Variants in PRKN observed in about 807,000 individuals in gnomAD.
PRKN encodes the protein E3 ubiquitin-protein ligase parkin.
A neutral mutation model predicts 59.5 loss-of-function variants in PRKN; 56 were observed. The ratio of observed to expected loss-of-function variants is 0.94; its 90% CI spans 0.76 to 1.18. The LOEUF is 1.18. Ranked by LOEUF, PRKN falls within the 50% of genes most tolerant of loss-of-function variation. The probability of loss-of-function intolerance (pLI) is 0.00; values close to 1 mark genes in which losing one functional copy is unlikely to be tolerated. For synonymous variants in PRKN, 250 were observed against 222.1 expected (o/e 1.13, Z -1.12); for missense variants, 657 against 596.4 (o/e 1.10, Z -1.06).
rs969206157 is a variant in PRKN at position 161,423,410 on chromosome 6, C to T, written c.1084-36533G>A. 1.3e-5 allele frequency among the ~76,000 whole-genome samples: 2 copies of T among 152,222 alleles called. No individual in the cohort carries two copies. Among genetic ancestry groups the T allele is most frequent in the East Asian group, 1.9e-4 (1 of 5,186 alleles). ...TGAGTACTGCGATGCAGTTACACGT[C>T]GTAACCACCTGAATTTTATGGGGGA... On this transcript the variant is annotated intron_variant, in intron 9 of 11. Transcript: ENST00000366898. The surrounding 1 kb of genome is among the most constrained non-coding windows in gnomAD (Gnocchi z 5.9).
intron 4 of PRKN, among the ~76,000 whole-genome samples, chr6:162,149,194 A>G (rs556079654): frequency 6.6e-6 from 1 of 152,264 alleles, no homozygotes; most frequent in Non-Finnish European, 1.5e-5. Flanking sequence ...TAGGCCTTAA[A>G]ATATTGATTT....
At chr6:162,447,062 C>T (rs1208712068) in intron 1 of PRKN, among the ~76,000 whole-genome samples, 1 of 152,160 alleles carries the variant, frequency 6.6e-6, no homozygotes, top group Non-Finnish European at 1.5e-5. Flanking sequence ...ACACCAATGT[C>T]TGTTACACAA....
At chr6:162,709,147 T>G (rs2128238254) in intron 1 of PRKN, among the ~76,000 whole-genome samples, 1 of 151,886 alleles carries the variant, frequency 6.6e-6, no homozygotes, top group Admixed American at 6.6e-5. Context: ...GGGGCCCCAC[T>G]GATTCTACAC....
At chr6:161,830,274 T>C (rs1007459421) in intron 6 of PRKN, among the ~76,000 whole-genome samples, 120 of 150,768 alleles carry the variant, frequency 8.0e-4, no homozygotes, top group African/African-American at 2.5e-3. Flanking sequence ...TTTTTTGAGA[T>C]GGAGTCTCGC....
At chr6:161,656,745 CCA>C (rs901223226) in intron 7 of PRKN, among the ~76,000 whole-genome samples, 2 of 152,174 alleles carry the variant, frequency 1.3e-5, no homozygotes, top group African/African-American at 4.8e-5. Flanking sequence ...TCACTCTCAA[CCA>C]CAGTGTCCTA....
rs141943704 is a variant in PRKN, at chr6:161,442,167, A to T, written c.1084-55290T>A. Among the ~76,000 whole-genome samples, 33 of 152,304 alleles carry T rather than the reference A, an allele frequency of 2.2e-4. No individual in the cohort carries two copies. The East Asian group carries it at 6.2e-3, about 29-fold the overall frequency. ...TAAAATTACAGCAGTCAGAAGAGAGACCTTCTCAAAGTCTGTCAGAAAGAT... is the reference window on the plus strand; with the variant it reads ...TAAAATTACAGCAGTCAGAAGAGAGTCCTTCTCAAAGTCTGTCAGAAAGAT... On this transcript the variant is annotated intron_variant, in intron 9 of 11. Transcript: ENST00000366898. This position sits in a 1 kb window ranked among gnomAD's most constrained non-coding sequence, Gnocchi z 4.6.
intron 6 of PRKN, among the ~76,000 whole-genome samples, chr6:161,937,895 T>G (rs981181941): frequency 6.6e-6 from 1 of 152,214 alleles, no homozygotes; most frequent in Non-Finnish European, 1.5e-5. Context: ...ACGAAACATT[T>G]CTAAATGATC....
At chr6:161,492,363 T>C (rs562633357) in intron 9 of PRKN, among the ~76,000 whole-genome samples, 27 of 152,246 alleles carry the variant, frequency 1.8e-4, no homozygotes, top group South Asian at 1.7e-3. Context: ...ACAGTTGAAA[T>C]TGATAAGGGG....
chr6:161,376,111 G>T lies in PRKN; in HGVS notation c.1167+10683C>A, dbSNP rs747745709. Among the ~76,000 whole-genome samples the T allele has an allele frequency of 6.6e-6, 1 of 152,170 alleles. No individual in the cohort carries two copies. Among genetic ancestry groups the T allele is most frequent in the East Asian group, 1.9e-4 (1 of 5,184 alleles). ...TGCTGGGGCAAAATAGATCAAAAAA[G>T]ATCTCAGCTCCCTGGAGCCACTGCT... On this transcript the variant is annotated intron_variant, in intron 10 of 11. Transcript: ENST00000366898. This position sits in a 1 kb window ranked among gnomAD's most constrained non-coding sequence, Gnocchi z 7.3.
chr6:161,990,437 T>C (rs529664100), intron 5 of PRKN, among the ~76,000 whole-genome samples: 25 of 152,164 alleles, frequency 1.6e-4, no homozygotes, highest in Non-Finnish European at 3.1e-4. Flanking sequence ...AAGAAGCAAC[T>C]GCTACATCAG....
intron 7 of PRKN, among the ~76,000 whole-genome samples, chr6:161,643,009 G>T (rs1783798518): frequency 1.3e-5 from 2 of 152,096 alleles, no homozygotes; most frequent in South Asian, 4.1e-4. Flanking sequence ...GTAAAACTAG[G>T]ACATAAGGAC....
chr6:162,596,544 C>T (rs1378055945), intron 1 of PRKN, among the ~76,000 whole-genome samples: 2 of 152,068 alleles, frequency 1.3e-5, no homozygotes, highest in African/African-American at 4.8e-5. Context: ...TGAAATAAAG[C>T]AATTGTCTTC....
intron 5 of PRKN, among the ~76,000 whole-genome samples, chr6:162,009,923 A>C (rs111796929): frequency 2.0e-5 from 3 of 151,782 alleles, no homozygotes; most frequent in South Asian, 2.1e-4. Context: ...GTGACAGAGC[A>C]AGACTCTGCG....
At position 161,355,054 on chromosome 6, in the gene PRKN, C is replaced by T. The variant is rs1784695510; in HGVS notation, c.1286-4843G>A. 6.6e-6 allele frequency among the ~76,000 whole-genome samples: 1 copy of T among 152,236 alleles called. No individual in the cohort carries two copies. The highest frequency in any genetic ancestry group is 2.1e-4 in the South Asian group (1 of 4,838). On this transcript the variant is annotated intron_variant, in intron 11 of 11. Coordinates refer to ENST00000366898, the MANE Select transcript of PRKN (RefSeq NM_004562.3). This position sits in a 1 kb window ranked among gnomAD's most constrained non-coding sequence, Gnocchi z 6.8. ...CACAGGATCAAGTCCAAGCCCCAAA[C>T]CTGCCATTCAGGGACCTCAATTCTG...
Position 161,834,198 on chromosome 6 carries a change from G to A in PRKN, c.735-48290C>T, listed in dbSNP as rs536293868. On this transcript the variant is annotated intron_variant, in intron 6 of 11. Transcript: ENST00000366898. Reference sequence around the variant, plus strand: ...AGTTTTATGCACTGATCTAGGAGCCGAGAGGTTTGCTGTATAAATGCAAAG... The same window carrying A: ...AGTTTTATGCACTGATCTAGGAGCCAAGAGGTTTGCTGTATAAATGCAAAG... Among the ~76,000 whole-genome samples the A allele has an allele frequency of 3.9e-5, 6 of 152,070 alleles. No individual in the cohort carries two copies. The South Asian group carries it at 8.3e-4, about 21-fold the overall frequency.
At chr6:161,680,750 TATATATATATATATATATATATATA>T (rs1212959646) in intron 7 of PRKN, among the ~76,000 whole-genome samples, 974 of 19,918 alleles carry the variant, frequency 0.049, 53 homozygotes, top group Middle Eastern at 0.08. Context: ...TATATATATA[TATATATATATATATATATATATATA>T]TTTTTTTTTT....
chr6:162,148,090 T>C (rs1167363813), intron 4 of PRKN, among the ~76,000 whole-genome samples: 1 of 152,206 alleles, frequency 6.6e-6, no homozygotes, highest in Admixed American at 6.5e-5. Flanking sequence ...GTAACATCAC[T>C]GCTTAACATA....
chr6:162,434,309 T>C (rs1583566596), intron 2 of PRKN, among the ~76,000 whole-genome samples: 1 of 152,328 alleles, frequency 6.6e-6, no homozygotes, highest in East Asian at 1.9e-4. Context: ...AAATACTTGA[T>C]GTTCTGCCTC....
At chr6:162,345,570 A>C (rs1323548089) in intron 2 of PRKN, among the ~76,000 whole-genome samples, 2 of 152,216 alleles carry the variant, frequency 1.3e-5, no homozygotes, top group African/African-American at 4.8e-5. Context: ...AGGCCGTATA[A>C]ATCTTTTGTT....
Sources: allele counts gnomAD v4.1 joint callset (sites outside exome capture counted in the v4.1 genomes callset), GRCh38; gene constraint gnomAD v4.1.1; non-coding constraint Gnocchi (gnomAD v3.1); transcripts MANE v1.5; gene names NCBI Gene and HGNC (gene_info 2026-07-23, HGNC 2026-07-21).